The following FMN1 variants were observed in gnomAD, a reference collection of about 807,000 sequenced individuals.
The protein encoded by FMN1 is formin 1, also known as formin-1.
In FMN1, 110 loss-of-function variants were observed where a neutral mutation model predicts 132.4. That is an observed-to-expected ratio of 0.83 (90% CI 0.71 to 0.97). The LOEUF is 0.97. FMN1 is among the 50% of genes least tolerant of loss of function. The probability of loss-of-function intolerance (pLI) is 0.00; values close to 1 mark genes in which losing one functional copy is unlikely to be tolerated. For synonymous variants in FMN1, 722 were observed against 651.7 expected (o/e 1.11, Z -1.64); for missense variants, 1,792 against 1,705.3 (o/e 1.05, Z -0.90).
At chr15:33,055,598 C>CA (rs1219985201) in intron 6 of FMN1, among the ~76,000 whole-genome samples, 2 of 136,232 alleles carry the variant, frequency 1.5e-5, no homozygotes, top group African/African-American at 5.5e-5. Context: ...GACTGTACTT[C>CA]AACTCATAGA....
Position 32,804,175 on chromosome 15 carries a change from A to C in FMN1, c.3980+106T>G, listed in dbSNP as rs575208005. On this transcript the variant is annotated intron_variant, in intron 18 of 20. Transcript: ENST00000616417. The stretch of plus-strand genomic sequence containing the variant: ...TAAAGTTTCAGTTGGGGAAGTAAAA[A>C]TGTTTTGGAGATAGAACTGCATAGC... 3.6e-4 allele frequency: 293 copies of C among 806,944 alleles called. No homozygotes were observed. The African/African-American group carries it at 4.7e-3, about 13-fold the overall frequency. 50.0% of individuals were successfully genotyped at this position (806,944 alleles called of 1,614,324 possible).
intron 16 of FMN1, among the ~76,000 whole-genome samples, chr15:32,883,370 CG>C (rs1355802124): frequency 6.6e-6 from 1 of 151,478 alleles, no homozygotes; most frequent in Non-Finnish European, 1.5e-5. Context: ...ATTAGCTGGG[CG>C]TGGTGGTATA....
At chr15:32,868,165 A>G (rs2059435763) in intron 16 of FMN1, among the ~76,000 whole-genome samples, 1 of 152,238 alleles carries the variant, frequency 6.6e-6, no homozygotes, top group Non-Finnish European at 1.5e-5. Context: ...AATGAAGCTG[A>G]AAAATTCTGA....
intron 5 of FMN1, chr15:33,067,906 G>GA (rs1251002340): frequency 6.3e-7 from 1 of 1,585,616 alleles, no homozygotes; most frequent in Non-Finnish European, 8.6e-7. Flanking sequence ...GCCCTTGGTG[G>GA]AAGTTCTGAC....
intron 7 of FMN1, among the ~76,000 whole-genome samples, chr15:32,969,723 T>G (rs552587958): frequency 1.3e-5 from 2 of 152,218 alleles, no homozygotes; most frequent in African/African-American, 4.8e-5. Context: ...ATAATTTTCA[T>G]GGATTAAGGC....
intron 7 of FMN1, among the ~76,000 whole-genome samples, chr15:33,006,526 C>A (rs1242477257): frequency 6.6e-6 from 1 of 152,052 alleles, no homozygotes; most frequent in Non-Finnish European, 1.5e-5. Flanking sequence ...ACCTAGAAAT[C>A]CCACTACTGG....
intron 4 of FMN1, among the ~76,000 whole-genome samples, chr15:33,093,710 G>C (rs1038910737): frequency 1.3e-5 from 2 of 152,192 alleles, no homozygotes; most frequent in African/African-American, 4.8e-5. Context: ...AATGAGCAAA[G>C]ATGGACAGGC....
intron 8 of FMN1, among the ~76,000 whole-genome samples, chr15:32,966,548 G>A (rs1343565149): frequency 6.6e-6 from 1 of 152,160 alleles, no homozygotes; most frequent in Admixed American, 6.5e-5. Flanking sequence ...AAGGTAGTTA[G>A]ATGAGGATTT....
rs948775006 is a variant in FMN1 at position 32,888,919 on chromosome 15, C to T, written c.3715-627G>A. Among the ~76,000 whole-genome samples the T allele has an allele frequency of 2.0e-5, 3 of 149,558 alleles. No homozygotes were observed. The East Asian group carries it at 5.9e-4, about 30-fold the overall frequency. ...TGTCACCCAGGCTTGAGTGCACTGACACAATCACGGTTCACTGCAGCCTTG... is the reference window on the plus strand; with the variant it reads ...TGTCACCCAGGCTTGAGTGCACTGATACAATCACGGTTCACTGCAGCCTTG... On this transcript the variant is annotated intron_variant, in intron 15 of 20. Transcript: ENST00000616417.
chr15:32,890,447 T>C (rs1400424196), intron 15 of FMN1, among the ~76,000 whole-genome samples: 2 of 152,240 alleles, frequency 1.3e-5, no homozygotes, highest in Admixed American at 6.5e-5. Flanking sequence ...TTCTGATTTT[T>C]TGATTATGGC....
intron 6 of FMN1, among the ~76,000 whole-genome samples, chr15:33,036,246 A>G (rs1421221679): frequency 6.6e-6 from 1 of 152,220 alleles, no homozygotes; most frequent in Non-Finnish European, 1.5e-5. Context: ...ATGTAATTCA[A>G]ATGCCTAGAA....
intron 6 of FMN1, among the ~76,000 whole-genome samples, chr15:33,047,196 A>T (rs896908449): frequency 6.6e-6 from 1 of 152,148 alleles, no homozygotes; most frequent in Non-Finnish European, 1.5e-5. Flanking sequence ...CCCCACCATG[A>T]GCATCTTCTA....
chr15:33,085,368 G>A (rs1003045861), intron 5 of FMN1, among the ~76,000 whole-genome samples: 16 of 152,058 alleles, frequency 1.1e-4, no homozygotes, highest in African/African-American at 3.9e-4. Flanking sequence ...CTTGAGGTGA[G>A]GAAGGAAACA....
At chr15:33,132,812 T>G (rs980882320) in intron 4 of FMN1, among the ~76,000 whole-genome samples, 4 of 152,282 alleles carry the variant, frequency 2.6e-5, no homozygotes, top group Non-Finnish European at 4.4e-5. Context: ...CCCATGCACA[T>G]GCCTGCCTGG....
At position 32,908,510 on chromosome 15, in the gene FMN1, C is replaced by T; in HGVS notation, c.3357G>A (p.Lys1119=). Residue 1119 remains lysine (K), a synonymous_variant, in exon 12 of 21, where the codon AAG becomes AAA. Transcript: ENST00000616417. ...CTTACTGCTCAGGTTTATCCAGCAG[C>T]TTCAGTTCTTCTTCTTTGGATGTCT... is the stretch of plus-strand genomic sequence containing the variant. The part of the protein sequence containing the change: ...YYETSKEEEL[K]LLDKPEQFLH... The T allele has an allele frequency of 6.2e-7, 1 of 1,609,274 alleles. No homozygotes were observed. The highest frequency in any genetic ancestry group is 8.5e-7 in the Non-Finnish European group (1 of 1,177,290).
intron 17 of FMN1, among the ~76,000 whole-genome samples, chr15:32,828,914 T>A (rs2058436254): frequency 1.3e-5 from 2 of 152,196 alleles, no homozygotes; most frequent in Admixed American, 6.5e-5. Context: ...AGGTAAAATA[T>A]AATATTTCCT....
At chr15:32,815,256 T>C (rs1287378176) in intron 17 of FMN1, among the ~76,000 whole-genome samples, 7 of 152,238 alleles carry the variant, frequency 4.6e-5, no homozygotes, top group Non-Finnish European at 8.8e-5. Flanking sequence ...TGTTTATTTT[T>C]ATTTCTTCTT....
At chr15:32,950,852 T>C (rs1207510629) in intron 9 of FMN1, among the ~76,000 whole-genome samples, 1 of 152,194 alleles carries the variant, frequency 6.6e-6, no homozygotes, top group Non-Finnish European at 1.5e-5. Context: ...TTAAAAAATG[T>C]AGTTTTCAAT....
Position 32,969,084 on chromosome 15 carries a change from CG to C in FMN1, c.2616del (p.Ala873HisfsTer25), listed in dbSNP as rs754468312. ...SNQQKALPPP[P>X]ASIPPPPPLP... ...AGGGGCGGAGGGGGAGGGATGGATG[CG>C]GGAGGCGGAGGCAATGCCTTCTGCT... On this transcript the variant is annotated frameshift_variant, in exon 8 of 21. Coordinates refer to ENST00000616417, the MANE Select transcript of FMN1 (RefSeq NM_001277313.2). LOFTEE classifies it high-confidence loss of function. 1 of 1,598,682 alleles carries C rather than the reference CG, an allele frequency of 6.3e-7. No individual in the cohort carries two copies. Among genetic ancestry groups the C allele is most frequent in the Non-Finnish European group, 8.5e-7 (1 of 1,170,890 alleles).
Sources: gnomAD v4.1 joint callset for allele counts (sites outside exome capture counted in the v4.1 genomes callset) on GRCh38, gnomAD v4.1.1 for gene constraint, MANE v1.5 for transcripts, NCBI Gene and HGNC (gene_info 2026-07-23, HGNC 2026-07-21) for gene names.